The following NPIPB15 variants were observed in gnomAD, a reference collection of about 807,000 sequenced individuals.
NPIPB15 encodes nuclear pore complex-interacting protein family member B15.
NPIPB15 carries 5 observed loss-of-function variants against 35.9 expected under a neutral mutation model. The observed-to-expected ratio is 0.14, with a 90% confidence interval of 0.07 to 0.29. The LOEUF is 0.29. NPIPB15 is among the 10% of genes least tolerant of loss of function. The pLI, the probability that NPIPB15 is intolerant of heterozygous loss-of-function variation, is 1.00. For synonymous variants in NPIPB15, 43 were observed against 182.0 expected, an observed-to-expected ratio of 0.24 and a Z score of 6.15; for missense variants, 100 against 506.1, an observed-to-expected ratio of 0.20 and a Z score of 7.70.
rs1321838970 is a variant in NPIPB15, at chr16:74,381,516, G to T, written c.67G>T (p.Val23Phe). ...LGFISHQPTP[V>F]INSLAVYRHR... ...ATTCTTTCAACTATTATTATTCCAG[G>T]TCATCAATAGTCTGGCTGTCTATCG... is the stretch of plus-strand genomic sequence containing the variant. The change falls in exon 3 of 8, where the codon GTC becomes TTC. Residue 23 changes from valine to phenylalanine, a missense_variant and splice_region_variant. By Grantham distance (50) the Val-to-Phe change is conservative. Coordinates refer to ENST00000692376, the MANE Select transcript of NPIPB15 (RefSeq NM_001306094.2). The T allele has an allele frequency of 3.8e-6, 6 of 1,592,190 alleles. No individual in the cohort carries two copies. The African/African-American group carries it at 4.0e-5, about 11-fold the overall frequency.
At chr16:74,388,950 A>G (rs1205256432) in intron 5 of NPIPB15, 1 of 917,654 alleles carries the variant, frequency 1.1e-6, no homozygotes, top group Non-Finnish European at 1.3e-6. Flanking sequence ...AGAGAGAGAG[A>G]GAGTTCACAA....
At chr16:74,388,006 T>C (rs2142689319) in intron 5 of NPIPB15, among the ~76,000 whole-genome samples, 1 of 152,022 alleles carries the variant, frequency 6.6e-6, no homozygotes, top group Admixed American at 6.6e-5. Context: ...GGGTGGATGG[T>C]TTGCCGTTGT....
At chr16:74,382,601 T>C (rs1288152691) in intron 3 of NPIPB15, among the ~76,000 whole-genome samples, 1 of 152,382 alleles carries the variant, frequency 6.6e-6, no homozygotes, top group East Asian at 1.9e-4. Flanking sequence ...TTCCTTTGGG[T>C]AAGTTGAGCT....
rs1334536508 is a variant in NPIPB15, at chr16:74,388,883, A to G, written c.546-942A>G. ...GGAGTGTTGTTTATAACCTCTGTAC[A>G]ATGTTTAGACCCAGTAAATGCAGAA... is the stretch of plus-strand genomic sequence containing the variant. On this transcript the variant is annotated intron_variant, in intron 5 of 7. Coordinates refer to ENST00000692376, the MANE Select transcript of NPIPB15 (RefSeq NM_001306094.2). The G allele has an allele frequency of 3.0e-5, 29 of 955,390 alleles. 1 individual carries two copies. Among genetic ancestry groups the G allele is most frequent in the Non-Finnish European group, 3.6e-5 (29 of 807,190 alleles). The allele number at this position is 955,390 out of a possible 1,614,324, so 59.2% of individuals were successfully genotyped here.
intron 2 of NPIPB15, among the ~76,000 whole-genome samples, chr16:74,379,597 T>C: frequency 6.8e-6 from 1 of 147,414 alleles, no homozygotes; most frequent in African/African-American, 2.5e-5. Context: ...TTTTTTTTTT[T>C]TTTTTTTTTT....
intron 3 of NPIPB15, among the ~76,000 whole-genome samples, chr16:74,382,782 G>A (rs1168985346): frequency 6.6e-6 from 1 of 152,088 alleles, no homozygotes; most frequent in Non-Finnish European, 1.5e-5. Flanking sequence ...AAGTCATTTG[G>A]CACTGCCTTT....
At chr16:74,388,413 T>G (rs1185786485) in intron 5 of NPIPB15, 12 of 950,548 alleles carry the variant, frequency 1.3e-5, no homozygotes, top group Non-Finnish European at 1.5e-5. Context: ...ACACACATAG[T>G]GCACCTCATA....
chr16:74,390,619 A>C (rs1597161734), intron 7 of NPIPB15: 1 of 647,440 alleles, frequency 1.5e-6, no homozygotes, highest in Non-Finnish European at 1.8e-6. Flanking sequence ...CTGTCAGAAA[A>C]CCCTCTCCCA....
chr16:74,380,286 T>TA (rs1307869270), intron 2 of NPIPB15, among the ~76,000 whole-genome samples: 7 of 151,824 alleles, frequency 4.6e-5, no homozygotes, highest in Admixed American at 1.3e-4. Context: ...CAGGCGCCTG[T>TA]AATCCCAGTT....
chr16:74,386,374 A>T (rs2012283425), intron 5 of NPIPB15, among the ~76,000 whole-genome samples: 1 of 135,842 alleles, frequency 7.4e-6, no homozygotes, highest in Non-Finnish European at 1.5e-5. Flanking sequence ...GCTCACTGCA[A>T]CCTCTGCCTC....
intron 3 of NPIPB15, among the ~76,000 whole-genome samples, chr16:74,382,523 G>A (rs1315317296): frequency 2.0e-5 from 3 of 152,254 alleles, no homozygotes; most frequent in Non-Finnish European, 4.4e-5. Context: ...AGATCAGTAT[G>A]TCAAAAGTCT....
chr16:74,387,304 T>G (rs1370220065), intron 5 of NPIPB15, among the ~76,000 whole-genome samples: 1 of 148,088 alleles, frequency 6.8e-6, no homozygotes, highest in African/African-American at 2.5e-5. Context: ...CTGCTGTGCT[T>G]CTTTGCATCT....
intron 2 of NPIPB15, among the ~76,000 whole-genome samples, chr16:74,379,190 G>A (rs979013967): frequency 6.6e-6 from 1 of 152,188 alleles, no homozygotes; most frequent in African/African-American, 2.4e-5. Context: ...GCTTATTCTG[G>A]AATTTCGCGT....
chr16:74,383,742 C>T (rs906867994), intron 3 of NPIPB15, among the ~76,000 whole-genome samples: 1 of 151,338 alleles, frequency 6.6e-6, no homozygotes, highest in Non-Finnish European at 1.5e-5. Flanking sequence ...ATGGTGAAAC[C>T]CCATCTCTAC....
intron 2 of NPIPB15, among the ~76,000 whole-genome samples, chr16:74,379,855 TG>T (rs2011888482): frequency 6.6e-6 from 1 of 152,116 alleles, no homozygotes; most frequent in Non-Finnish European, 1.5e-5. Context: ...CCCAAAGTGC[TG>T]GGATTGCAGG....
chr16:74,388,115 C>T lies in NPIPB15; in HGVS notation c.546-1710C>T, dbSNP rs1400900379. ...CATTCAGATTGCCTTTTCTCTCAAC[C>T]AGGATCTTTAAAGTCGATGACAAGA... On this transcript the variant is annotated intron_variant, in intron 5 of 7. Coordinates refer to ENST00000692376, the MANE Select transcript of NPIPB15 (RefSeq NM_001306094.2). 7.2e-6 allele frequency: 7 copies of T among 972,578 alleles called. No homozygotes were observed. The Admixed American group carries it at 4.4e-4, about 61-fold the overall frequency. The allele number at this position is 972,578 out of a possible 1,614,324, so 60.2% of individuals were successfully genotyped here.
intron 1 of NPIPB15, among the ~76,000 whole-genome samples, chr16:74,377,651 C>T (rs1461424439): frequency 6.6e-6 from 1 of 151,956 alleles, no homozygotes; most frequent in Non-Finnish European, 1.5e-5. Flanking sequence ...TGTAGCTAAA[C>T]CTTCCACCAG....
chr16:74,389,498 G>A (rs1398756467), intron 5 of NPIPB15, among the ~76,000 whole-genome samples: 4 of 144,734 alleles, frequency 2.8e-5, no homozygotes, highest in African/African-American at 5.1e-5. Flanking sequence ...TCAGCCTCCC[G>A]AGTAGCTGGG....
At chr16:74,381,399 T>C in intron 2 of NPIPB15, 117 bp from the exon 3 acceptor site, 2 of 1,137,164 alleles carry the variant, frequency 1.8e-6, no homozygotes, top group South Asian at 3.2e-5. Flanking sequence ...CACGGTGATA[T>C]CTGAGGGATG....
Sources: gnomAD v4.1 joint callset for allele counts (sites outside exome capture counted in the v4.1 genomes callset) on GRCh38, gnomAD v4.1.1 for gene constraint, MANE v1.5 for transcripts, NCBI Gene and HGNC (gene_info 2026-07-23, HGNC 2026-07-21) for gene names.